Variants in TNIP1 observed in about 807,000 individuals in gnomAD.
The protein encoded by TNIP1 is TNFAIP3 interacting protein 1.
TNIP1 carries 22 observed loss-of-function variants against 86.6 expected under a neutral mutation model. The observed-to-expected ratio is 0.25, with a 90% CI of 0.18 to 0.36. The LOEUF (loss-of-function observed/expected upper bound fraction) is 0.36, where lower values mean the gene tolerates loss of function less well. Among genes scored for constraint, TNIP1 ranks in the 10% least tolerant of loss-of-function variants. The probability of loss-of-function intolerance (pLI) is 1.00; values close to 1 mark genes in which losing one functional copy is unlikely to be tolerated. For missense variants in TNIP1, 709 were observed against 820.6 expected (o/e 0.86, Z 1.66); for synonymous variants, 294 against 313.0 (o/e 0.94, Z 0.64).
chr5:151,040,261 C>T (rs566704238), intron 11 of TNIP1, among the ~76,000 whole-genome samples: 1 of 152,224 alleles, frequency 6.6e-6, no homozygotes, highest in South Asian at 2.1e-4. Context: ...GGGATCATGG[C>T]AGTGGGAGGT....
intron 1 of TNIP1, among the ~76,000 whole-genome samples, chr5:151,068,710 C>T (rs1352987315): frequency 6.6e-6 from 1 of 152,152 alleles, no homozygotes; most frequent in East Asian, 1.9e-4. Context: ...GGAGCTGGGA[C>T]CAGAAGATCC....
chr5:151,048,838 C>G (rs13153275), intron 8 of TNIP1, among the ~76,000 whole-genome samples: 30,548 of 152,162 alleles, frequency 0.2, 3,555 homozygotes, highest in Non-Finnish European at 0.26. Flanking sequence ...CAGGGAAGAG[C>G]AGACTTTCAC....
intron 1 of TNIP1, among the ~76,000 whole-genome samples, chr5:151,079,539 G>A (rs1455153250): frequency 1.3e-5 from 2 of 151,826 alleles, no homozygotes; most frequent in African/African-American, 2.4e-5. Context: ...TAGGAGAATC[G>A]CTTGAACCTG....
intron 4 of TNIP1, 128 bp downstream of exon 4, chr5:151,061,999 C>A: frequency 1.2e-6 from 1 of 835,542 alleles, no homozygotes; most frequent in South Asian, 1.7e-5. Context: ...TGGACTTGCC[C>A]AATATCACCC....
chr5:151,030,829 A>G, intron 17 of TNIP1, 82 bp from the exon 18 acceptor site: 1 of 1,205,636 alleles, frequency 8.3e-7, no homozygotes, highest in Non-Finnish European at 1.2e-6. Flanking sequence ...CAGTGCAGGA[A>G]CAGTGAAAAT....
chr5:151,038,658 G>C (rs995963981), intron 12 of TNIP1, among the ~76,000 whole-genome samples: 1 of 152,154 alleles, frequency 6.6e-6, no homozygotes. Flanking sequence ...AAGGCGCCCA[G>C]GGTATACACC....
At chr5:151,044,547 C>T (rs1758877648) in intron 9 of TNIP1, among the ~76,000 whole-genome samples, 1 of 151,572 alleles carries the variant, frequency 6.6e-6, no homozygotes, top group Non-Finnish European at 1.5e-5. Context: ...CTTTTGAAAT[C>T]AGAAAAAAAG....
chr5:151,060,628 A>AGG (rs963111627), intron 4 of TNIP1, among the ~76,000 whole-genome samples: 1 of 152,236 alleles, frequency 6.6e-6, no homozygotes, highest in African/African-American at 2.4e-5. Context: ...CTTTTGTAGA[A>AGG]GGGAGATGTG....
chr5:151,060,668 G>A (rs954065140), intron 4 of TNIP1, among the ~76,000 whole-genome samples: 1 of 152,212 alleles, frequency 6.6e-6, no homozygotes, highest in African/African-American at 2.4e-5. Context: ...CAGCAGCACT[G>A]TAGGATTGCA....
chr5:151,038,557 G>A (rs1314666876), intron 12 of TNIP1, among the ~76,000 whole-genome samples: 1 of 152,098 alleles, frequency 6.6e-6, no homozygotes, highest in African/African-American at 2.4e-5. Flanking sequence ...CATCTCCCTG[G>A]ATCCCACTGC....
chr5:151,035,523 A>G lies in TNIP1; in HGVS notation c.1521+59T>C. 1.9e-6 allele frequency: 3 copies of G among 1,612,642 alleles called. No individual in the cohort carries two copies. In the South Asian group the frequency reaches 3.3e-5, roughly 18 times the overall value. On this transcript the variant is annotated intron_variant, in intron 14 of 17. Coordinates refer to ENST00000521591, the MANE Select transcript of TNIP1 (RefSeq NM_006058.5). ...CAGCCTCACCAGGGCCCTCCAATCCATGCCCCCTCTCCCCACGAGGACAGG... is the reference window on the plus strand; with the variant it reads ...CAGCCTCACCAGGGCCCTCCAATCCGTGCCCCCTCTCCCCACGAGGACAGG...
chr5:151,062,564 A>G (rs1160515055), intron 3 of TNIP1, among the ~76,000 whole-genome samples: 1 of 152,154 alleles, frequency 6.6e-6, no homozygotes, highest in African/African-American at 2.4e-5. Context: ...AAAGCCCCAT[A>G]TCCCCATTTT....
Position 151,045,891 on chromosome 5 carries a change from C to T in TNIP1, c.906G>A (p.Lys302=). The change falls in exon 9 of 18, where the codon AAG becomes AAA. Residue 302 remains lysine, a synonymous_variant. Transcript: ENST00000521591. ...TGCGCTGCTGCTCCAGCATCTTCAC[C>T]TTCTTCTCGGCTGCGCCCAAGGCCA... The part of the protein sequence containing the change: ...EVVALGAAEK[K]VKMLEQQRSE... The T allele has an allele frequency of 1.2e-6, 2 of 1,614,150 alleles. No individual in the cohort carries two copies. The highest frequency in any genetic ancestry group is 2.2e-5 in the South Asian group (2 of 91,076).
chr5:151,060,388 G>A lies in TNIP1; in HGVS notation c.365C>T (p.Ser122Phe). 1 of 1,614,210 alleles carries A rather than the reference G, an allele frequency of 6.2e-7. No individual in the cohort carries two copies. The highest frequency in any genetic ancestry group is 1.7e-5 in the Admixed American group (1 of 60,030). ...AGGAGTGACCACTTCAAATTCAGAG[G>A]AGGTGCCCTGTGCAGAAAGGAAGTT... ...PVQKPPSSGT[S>F]SEFEVVTPEE... The change falls in exon 5 of 18, where the codon TCC (serine) becomes TTC (phenylalanine). Residue 122 changes from serine (S) to phenylalanine (F), a missense_variant. Ser to Phe is a radical substitution (Grantham distance 155, BLOSUM62 -2). Transcript: ENST00000521591.
chr5:151,055,651 C>T (rs1461278670), intron 6 of TNIP1, among the ~76,000 whole-genome samples: 3 of 152,232 alleles, frequency 2.0e-5, no homozygotes, highest in Non-Finnish European at 1.5e-5. Flanking sequence ...CATACTGCAT[C>T]TCCAACCTGA....
At chr5:151,071,974 C>T (rs545269770) in intron 1 of TNIP1, among the ~76,000 whole-genome samples, 2 of 152,322 alleles carry the variant, frequency 1.3e-5, no homozygotes, top group Admixed American at 6.5e-5. Context: ...CGCATCATGA[C>T]GCACATGACC....
chr5:151,077,918 G>A (rs79937737), intron 1 of TNIP1, among the ~76,000 whole-genome samples: 13,694 of 152,196 alleles, frequency 0.09, 1,373 homozygotes, highest in African/African-American at 0.25. Flanking sequence ...GCTGATTCCA[G>A]TTATTGTGAC....
intron 12 of TNIP1, chr5:151,037,544 TATC>T (rs1757867722): frequency 6.6e-6 from 1 of 152,342 alleles, no homozygotes; most frequent in African/African-American, 2.4e-5. Context: ...TGGGCTGAAA[TATC>T]ATCAAATAAC....
At position 151,064,954 on chromosome 5, in the gene TNIP1, C is replaced by T; in HGVS notation, c.136+6G>A. The T allele has an allele frequency of 6.2e-7, 1 of 1,614,148 alleles. No individual in the cohort carries two copies. The highest frequency in any genetic ancestry group is 8.5e-7 in the Non-Finnish European group (1 of 1,180,004). On this transcript the variant is annotated splice_donor_region_variant and intron_variant, in intron 2 of 17. Transcript: ENST00000521591. ...GCTCGCAGGGAGGGGACAGGGTCTGCTTTACCTAACATCTTTATCCCTTGC... is the reference window on the plus strand; with the variant it reads ...GCTCGCAGGGAGGGGACAGGGTCTGTTTTACCTAACATCTTTATCCCTTGC...
Sources: allele counts gnomAD v4.1 joint callset (sites outside exome capture counted in the v4.1 genomes callset), GRCh38; gene constraint gnomAD v4.1.1; transcripts MANE v1.5; gene names NCBI Gene and HGNC (gene_info 2026-07-23, HGNC 2026-07-21).